Variants in SPIN1 observed in about 807,000 individuals in gnomAD.
The protein encoded by SPIN1 is spindlin 1.
Under a neutral mutation model 26.0 loss-of-function variants are expected in SPIN1, and 3 were observed. That is an observed-to-expected ratio of 0.12 (90% CI 0.05 to 0.30). The LOEUF (loss-of-function observed/expected upper bound fraction) is 0.30, where lower values mean the gene tolerates loss of function less well. Among genes scored for constraint, SPIN1 ranks in the 10% least tolerant of loss-of-function variants. The pLI is 1.00. For missense variants in SPIN1, 126 were observed against 333.4 expected (o/e 0.38, Z 4.84); for synonymous variants, 101 against 116.5 (o/e 0.87, Z 0.86).
At chr9:88,397,841 C>T (rs1019351202) in intron 1 of SPIN1, among the ~76,000 whole-genome samples, 4 of 150,990 alleles carry the variant, frequency 2.6e-5, no homozygotes, top group Admixed American at 6.7e-5. Flanking sequence ...CCAGACTGGT[C>T]GCCATCTCCT....
At chr9:88,398,201 G>C (rs765329349) in intron 1 of SPIN1, among the ~76,000 whole-genome samples, 57 of 151,774 alleles carry the variant, frequency 3.8e-4, no homozygotes, top group Non-Finnish European at 5.7e-4. Context: ...TGCTGCCTCA[G>C]CCTCCCACCT....
chr9:88,397,566 A>G (rs1827094109), intron 1 of SPIN1, among the ~76,000 whole-genome samples: 1 of 151,544 alleles, frequency 6.6e-6, no homozygotes, highest in Non-Finnish European at 1.5e-5. Flanking sequence ...TTTTCATAAG[A>G]TAAAGAGATT....
At chr9:88,453,170 C>T (rs1375003575) in intron 3 of SPIN1, among the ~76,000 whole-genome samples, 2 of 151,982 alleles carry the variant, frequency 1.3e-5, no homozygotes, top group African/African-American at 4.8e-5. Flanking sequence ...TCCCAATAAG[C>T]CTTTTGCACT....
At chr9:88,393,728 T>G (rs1826987981) in intron 1 of SPIN1, among the ~76,000 whole-genome samples, 1 of 152,172 alleles carries the variant, frequency 6.6e-6, no homozygotes, top group Non-Finnish European at 1.5e-5. Context: ...GTGTTGGGAT[T>G]ACAGGCGTCA....
At chr9:88,426,678 ATAGC>A (rs1827769812) in intron 2 of SPIN1, 87 bp downstream of exon 2, 2 of 1,155,194 alleles carry the variant, frequency 1.7e-6, no homozygotes, top group East Asian at 2.7e-5. Flanking sequence ...CTTTCACATA[ATAGC>A]TAGTGAAAAA....
At chr9:88,425,599 C>T (rs531244598) in intron 1 of SPIN1, among the ~76,000 whole-genome samples, 9 of 151,088 alleles carry the variant, frequency 6.0e-5, no homozygotes, top group South Asian at 2.1e-4. Context: ...TGCTTGAACC[C>T]GGGAGGCAGA....
intron 2 of SPIN1, among the ~76,000 whole-genome samples, chr9:88,441,039 C>T (rs957886370): frequency 4.6e-5 from 7 of 151,790 alleles, no homozygotes; most frequent in Admixed American, 6.6e-5. Flanking sequence ...CCTCTGTATC[C>T]GTGGGTTTTA....
chr9:88,445,518 TTTA>T (rs138265190), intron 2 of SPIN1, among the ~76,000 whole-genome samples: 31,946 of 134,334 alleles, frequency 0.24, 3,930 homozygotes, highest in African/African-American at 0.31. Flanking sequence ...TATTGAGACT[TTTA>T]TTATTATTAT....
chr9:88,402,145 A>G (rs1239103631), intron 1 of SPIN1, among the ~76,000 whole-genome samples: 4 of 151,956 alleles, frequency 2.6e-5, no homozygotes, highest in African/African-American at 9.7e-5. Context: ...GGTGTGTGCC[A>G]CCATGCTGGG....
intron 1 of SPIN1, among the ~76,000 whole-genome samples, chr9:88,409,068 T>C (rs1827379463): frequency 6.6e-6 from 1 of 151,428 alleles, no homozygotes; most frequent in South Asian, 2.1e-4. Flanking sequence ...TGATCTCGGC[T>C]CATCGCAACC....
At chr9:88,463,324 AT>A (rs1828606970) in intron 4 of SPIN1, among the ~76,000 whole-genome samples, 1 of 152,232 alleles carries the variant, frequency 6.6e-6, no homozygotes, top group Non-Finnish European at 1.5e-5. Context: ...TCTAAGGTAA[AT>A]AATAATTACT....
At chr9:88,435,865 G>A (rs939996118) in intron 2 of SPIN1, among the ~76,000 whole-genome samples, 2 of 151,920 alleles carry the variant, frequency 1.3e-5, no homozygotes, top group African/African-American at 4.8e-5. Flanking sequence ...GCTCTTCTAG[G>A]TTATATCTAT....
intron 3 of SPIN1, among the ~76,000 whole-genome samples, chr9:88,457,053 GTTGAA>G (rs1325166620): frequency 3.3e-5 from 5 of 152,136 alleles, no homozygotes; most frequent in Admixed American, 2.0e-4. Flanking sequence ...TGACAGGGCA[GTTGAA>G]TCATGGAGAA....
At chr9:88,402,174 G>T (rs1827200446) in intron 1 of SPIN1, among the ~76,000 whole-genome samples, 1 of 151,996 alleles carries the variant, frequency 6.6e-6, no homozygotes, top group African/African-American at 2.4e-5. Context: ...TGTAATTTTA[G>T]TAGAGACAGG....
chr9:88,389,063 G>A (rs887275897), intron 1 of SPIN1, among the ~76,000 whole-genome samples: 5 of 151,960 alleles, frequency 3.3e-5, no homozygotes, highest in African/African-American at 1.2e-4. Flanking sequence ...CCGGGGACGC[G>A]GGCCTGCCCT....
rs181951718 is a variant in SPIN1 at position 88,436,990 on chromosome 9, C to G, written c.52+10399C>G. Among the ~76,000 whole-genome samples, 723 of 151,892 alleles carry G rather than the reference C, an allele frequency of 4.8e-3. 5 individuals are homozygous for G. Among genetic ancestry groups the G allele is most frequent in the African/African-American group, 0.016 (663 of 41,486 alleles). Reference sequence around the variant, plus strand: ...CCGTTTTAGCCGGGATGGTCTCGATCTCCTGACCTCGTGATCCGCCCGCCT... The same window carrying G: ...CCGTTTTAGCCGGGATGGTCTCGATGTCCTGACCTCGTGATCCGCCCGCCT... On this transcript the variant is annotated intron_variant, in intron 2 of 5. Transcript: ENST00000375859.
chr9:88,456,482 A>G (rs1235323786), intron 3 of SPIN1, among the ~76,000 whole-genome samples: 4 of 152,204 alleles, frequency 2.6e-5, no homozygotes, highest in Non-Finnish European at 5.9e-5. Flanking sequence ...GAGTACAGTT[A>G]CCAAATATTA....
At chr9:88,445,198 A>C (rs1045312795) in intron 2 of SPIN1, among the ~76,000 whole-genome samples, 1 of 151,838 alleles carries the variant, frequency 6.6e-6, no homozygotes, top group Non-Finnish European at 1.5e-5. Flanking sequence ...AAGACTTTTT[A>C]CTTTTCTTTC....
intron 1 of SPIN1, among the ~76,000 whole-genome samples, chr9:88,403,284 G>A (rs1282309413): frequency 6.6e-6 from 1 of 152,094 alleles, no homozygotes; most frequent in Non-Finnish European, 1.5e-5. Flanking sequence ...AAACTTTTCA[G>A]CTTGTTCTGT....
Sources: allele counts gnomAD v4.1 joint callset (sites outside exome capture counted in the v4.1 genomes callset), GRCh38; gene constraint gnomAD v4.1.1; transcripts MANE v1.5; gene names NCBI Gene and HGNC (gene_info 2026-07-23, HGNC 2026-07-21).